Variants in GPRIN3 observed in about 807,000 individuals in gnomAD.
The protein encoded by GPRIN3 is G protein-regulated inducer of neurite outgrowth 3.
In GPRIN3, 12 loss-of-function variants were observed where a neutral mutation model predicts 13.7. The observed-to-expected ratio is 0.87, with a 90% CI of 0.56 to 1.42. The LOEUF (loss-of-function observed/expected upper bound fraction) is 1.42, where lower values mean the gene tolerates loss of function less well. Ranked by LOEUF, GPRIN3 falls within the 40% of genes most tolerant of loss-of-function variation. The probability of loss-of-function intolerance (pLI) is 0.00; values close to 1 mark genes in which losing one functional copy is unlikely to be tolerated. For missense variants in GPRIN3, 1,009 were observed against 958.7 expected (o/e 1.05, Z -0.69); for synonymous variants, 377 against 372.7 (o/e 1.01, Z -0.13).
Position 89,248,107 on chromosome 4 carries a change from G to A in GPRIN3, c.2004C>T (p.Gly668=), listed in dbSNP as rs200788380. 1.3e-5 allele frequency: 21 copies of A among 1,614,038 alleles called. No homozygotes were observed. In the East Asian group the frequency reaches 1.3e-4, roughly 10 times the overall value. ...GTTTCAGCTGGAGCTTGGAGTCTGC[G>A]CCAAGCTGCTTTTTCTTATCTCCTG... is the stretch of plus-strand genomic sequence containing the variant. ...LTPGDKKKQL[G]ADSKLQLKQS... Residue 668 remains glycine, a synonymous_variant, in exon 2 of 2, where the codon GGC becomes GGT. Coordinates refer to ENST00000609438, the MANE Select transcript of GPRIN3 (RefSeq NM_198281.3).
chr4:89,260,925 A>C (rs1414446625), intron 1 of GPRIN3, among the ~76,000 whole-genome samples: 1 of 152,202 alleles, frequency 6.6e-6, no homozygotes, highest in East Asian at 1.9e-4. Flanking sequence ...TTCAGTATAC[A>C]AATATAAATA....
intron 1 of GPRIN3, among the ~76,000 whole-genome samples, chr4:89,269,053 A>C (rs1250505665): frequency 6.6e-6 from 1 of 152,218 alleles, no homozygotes. Flanking sequence ...ATGAAGGTTC[A>C]TGACAGGTGG....
chr4:89,304,308 T>C (rs1724978738), intron 1 of GPRIN3, among the ~76,000 whole-genome samples: 1 of 152,174 alleles, frequency 6.6e-6, no homozygotes, highest in Admixed American at 6.5e-5. Flanking sequence ...GAACATCTCT[T>C]CTTTGTATCA....
At position 89,266,149 on chromosome 4, in the gene GPRIN3, T is replaced by C. The variant is rs1723773687; in HGVS notation, c.-123-15916A>G. On this transcript the variant is annotated intron_variant, in intron 1 of 1. Transcript: ENST00000609438. The stretch of plus-strand genomic sequence containing the variant: ...ATATCTATACCCTTTGAGCCAGTGA[T>C]TCTACCCCTTGGAATTGAATTTAAG... 2.0e-5 allele frequency among the ~76,000 whole-genome samples: 3 copies of C among 152,216 alleles called. No individual in the cohort carries two copies. In the South Asian group the frequency reaches 6.2e-4, roughly 31 times the overall value.
intron 1 of GPRIN3, among the ~76,000 whole-genome samples, chr4:89,266,972 C>T (rs1171684450): frequency 2.0e-5 from 3 of 151,968 alleles, no homozygotes; most frequent in East Asian, 1.9e-4. Flanking sequence ...TTATATATAA[C>T]ATAACATGTA....
rs181068131 is a variant in GPRIN3 at position 89,243,228 on chromosome 4, T to C, written c.*4552A>G. ...TAAAGTTCATGGAAATCTGTTTCAG[T>C]ATTTACAAGACTATTTTTTTTCCCA... On this transcript the variant is annotated 3_prime_UTR_variant, in exon 2 of 2. Coordinates refer to ENST00000609438, the MANE Select transcript of GPRIN3 (RefSeq NM_198281.3). The C allele has an allele frequency of 2.6e-5, 4 of 152,226 alleles. No individual in the cohort carries two copies. Among genetic ancestry groups the C allele is most frequent in the Admixed American group, 2.6e-4 (4 of 15,274 alleles). The allele number at this position is 152,226 out of a possible 1,614,324, so 9.4% of individuals were successfully genotyped here. A position where few individuals can be genotyped will look rare whatever the true frequency, so the allele number is the denominator to read the frequency against.
At chr4:89,281,465 C>G (rs1352226064) in intron 1 of GPRIN3, among the ~76,000 whole-genome samples, 1 of 152,200 alleles carries the variant, frequency 6.6e-6, no homozygotes, top group Admixed American at 6.5e-5. Context: ...AGAGAAGTCA[C>G]TCACTGTCGT....
At chr4:89,293,399 A>G (rs1157069122) in intron 1 of GPRIN3, among the ~76,000 whole-genome samples, 2 of 152,236 alleles carry the variant, frequency 1.3e-5, no homozygotes, top group Non-Finnish European at 2.9e-5. Flanking sequence ...AAAGTGAAAC[A>G]GCAGCATTCT....
rs147814419 is a variant in GPRIN3, at chr4:89,249,469, A to G, written c.642T>C (p.Ser214=). 6.2e-7 allele frequency: 1 copy of G among 1,614,026 alleles called. No homozygotes were observed. Among genetic ancestry groups the G allele is most frequent in the South Asian group, 1.1e-5 (1 of 91,070 alleles). The change falls in exon 2 of 2, where the codon TCT becomes TCC. Residue 214 remains serine (S), a synonymous_variant. Transcript: ENST00000609438. Reference sequence around the variant, plus strand: ...TTTCCCCTTCAGGTCCACCTACAGGAGAGGATGAGTGACTGACCACCCTGG... The same window carrying G: ...TTTCCCCTTCAGGTCCACCTACAGGGGAGGATGAGTGACTGACCACCCTGG... ...TAARVVSHSS[S]PVGGPEGERQ...
At position 89,249,536 on chromosome 4, in the gene GPRIN3, G is replaced by A; in HGVS notation, c.575C>T (p.Pro192Leu). ...CTGCACTGTTCCCTGGATTGTTTCT[G>A]GAGAAGGAAACTCACAGGACACCTG... ...KDQVSCEFPSPETIQGTVQTP... is the reference protein window; with the variant it reads ...KDQVSCEFPSLETIQGTVQTP... The change falls in exon 2 of 2, where the codon CCA becomes CTA. Residue 192 changes from proline to leucine, a missense_variant. Physicochemically the swap from Pro to Leu is moderately conservative, Grantham distance 98. Coordinates refer to ENST00000609438, the MANE Select transcript of GPRIN3 (RefSeq NM_198281.3). 1.2e-6 allele frequency: 2 copies of A among 1,614,132 alleles called. No individual in the cohort carries two copies.
At chr4:89,298,513 T>G (rs1440016449) in intron 1 of GPRIN3, among the ~76,000 whole-genome samples, 1 of 152,016 alleles carries the variant, frequency 6.6e-6, no homozygotes, top group East Asian at 1.9e-4. Flanking sequence ...TTCTCTGAGA[T>G]CATGACCAGG....
intron 1 of GPRIN3, among the ~76,000 whole-genome samples, chr4:89,287,248 G>A (rs182047363): frequency 6.6e-6 from 1 of 152,212 alleles, no homozygotes; most frequent in African/African-American, 2.4e-5. Flanking sequence ...AAAATGCCAT[G>A]AGAGAGCAAG....
intron 1 of GPRIN3, among the ~76,000 whole-genome samples, chr4:89,298,348 G>A (rs1724801133): frequency 6.6e-6 from 1 of 152,134 alleles, no homozygotes; most frequent in South Asian, 2.1e-4. Flanking sequence ...GCCTGGCAGG[G>A]AGGAAAGGAA....
Position 89,249,434 on chromosome 4 carries a change from G to C in GPRIN3, c.677C>G (p.Ala226Gly), listed in dbSNP as rs902189232. The C allele has an allele frequency of 6.2e-7, 1 of 1,613,950 alleles. No homozygotes were observed. The highest frequency in any genetic ancestry group is 1.3e-5 in the African/African-American group (1 of 74,902). ...GGACCTCATTTCAGAGTCACAGATG[G>C]CTCCCTGCCTTTCCCCTTCAGGTCC... is the stretch of plus-strand genomic sequence containing the variant. ...VGGPEGERQG[A>G]ICDSEMRSCK... The change falls in exon 2 of 2, where the codon GCC (alanine) becomes GGC (glycine). Residue 226 changes from alanine to glycine, a missense_variant. Physicochemically the swap from Ala to Gly is moderately conservative, Grantham distance 60. Transcript: ENST00000609438.
chr4:89,238,267 T>TTGA lies in GPRIN3; in HGVS notation c.*9510_*9512dup, dbSNP rs1379233656. The TTGA allele has an allele frequency of 6.6e-6, 1 of 152,180 alleles. No homozygotes were observed. Among genetic ancestry groups the TTGA allele is most frequent in the Non-Finnish European group, 1.5e-5 (1 of 68,024 alleles). 9.4% of individuals were successfully genotyped at this position (152,180 alleles called of 1,614,324 possible). A position where few individuals can be genotyped will look rare whatever the true frequency, so the allele number is the denominator to read the frequency against. ...TGTACCTCTCCTTCTTTACAGATCCTTGATGAATTGAAGATATTCAAGGAG... is the reference window on the plus strand; with the variant it reads ...TGTACCTCTCCTTCTTTACAGATCCTTGATGATGAATTGAAGATATTCAAGGAG... On this transcript the variant is annotated 3_prime_UTR_variant, in exon 2 of 2. Transcript: ENST00000609438.
At chr4:89,251,422 A>G (rs1485815693) in intron 1 of GPRIN3, among the ~76,000 whole-genome samples, 2 of 152,206 alleles carry the variant, frequency 1.3e-5, no homozygotes, top group Non-Finnish European at 2.9e-5. Flanking sequence ...AATTTTTAAA[A>G]CTATAAATAC....
intron 1 of GPRIN3, among the ~76,000 whole-genome samples, chr4:89,292,260 G>C (rs1195703208): frequency 3.2e-4 from 49 of 151,946 alleles, no homozygotes; most frequent in Non-Finnish European, 4.4e-5. Context: ...CCCTTTTCAT[G>C]AATTTTTCCA....
At chr4:89,295,371 C>G (rs1724703736) in intron 1 of GPRIN3, among the ~76,000 whole-genome samples, 1 of 152,138 alleles carries the variant, frequency 6.6e-6, no homozygotes, top group Non-Finnish European at 1.5e-5. Flanking sequence ...CATTCAAGGG[C>G]TTTAACTTCA....
rs1473477756 is a variant in GPRIN3 at position 89,244,053 on chromosome 4, C to G, written c.*3727G>C. The G allele has an allele frequency of 6.6e-6, 1 of 152,124 alleles. No homozygotes were observed. Among genetic ancestry groups the G allele is most frequent in the Non-Finnish European group, 1.5e-5 (1 of 68,026 alleles). 9.4% of individuals were successfully genotyped at this position (152,124 alleles called of 1,614,324 possible). A position where few individuals can be genotyped will look rare whatever the true frequency, so the allele number is the denominator to read the frequency against. On this transcript the variant is annotated 3_prime_UTR_variant, in exon 2 of 2. Transcript: ENST00000609438. ...CCTCTGTAAACACATTTTAAAGTAA[C>G]ATCATACTCTGTTCTTGGTATGCTA...
Sources: allele counts gnomAD v4.1 joint callset (sites outside exome capture counted in the v4.1 genomes callset), GRCh38; gene constraint gnomAD v4.1.1; transcripts MANE v1.5; gene names NCBI Gene and HGNC (gene_info 2026-07-23, HGNC 2026-07-21).